Variants in DCDC1 observed in about 807,000 individuals in gnomAD.
DCDC1 encodes doublecortin domain-containing protein 1.
Under a neutral mutation model 178.3 loss-of-function variants are expected in DCDC1, and 200 were observed. That is an observed-to-expected ratio of 1.12 (90% confidence interval 1.00 to 1.26). The LOEUF is 1.26. Among genes scored for constraint, DCDC1 ranks in the 50% most tolerant of loss-of-function variants. The pLI, the probability that DCDC1 is intolerant of heterozygous loss-of-function variation, is 0.00. For missense variants in DCDC1, 1,983 were observed against 1,749.2 expected, an observed-to-expected ratio of 1.13 and a Z score of -2.38; for synonymous variants, 690 against 604.8, an observed-to-expected ratio of 1.14 and a Z score of -2.07.
intron 9 of DCDC1, among the ~76,000 whole-genome samples, 183 bp downstream of exon 9, chr11:31,241,267 A>G (rs1455629334): frequency 2.0e-5 from 3 of 151,996 alleles, no homozygotes; most frequent in Admixed American, 6.6e-5. Context: ...GACAGATACA[A>G]TTAGCTCCAT....
intron 20 of DCDC1, among the ~76,000 whole-genome samples, chr11:30,960,547 T>G (rs1949034508): frequency 6.6e-6 from 1 of 152,166 alleles, no homozygotes; most frequent in South Asian, 2.1e-4. Context: ...ACAGCATCAG[T>G]AAGTTCTCTG....
At chr11:31,134,885 A>G (rs1272360327) in intron 10 of DCDC1, among the ~76,000 whole-genome samples, 1 of 152,180 alleles carries the variant, frequency 6.6e-6, no homozygotes, top group Non-Finnish European at 1.5e-5. Context: ...AGTCCCAGCT[A>G]CTCAGGAGGC....
chr11:31,217,696 G>T (rs1275645124), intron 9 of DCDC1, among the ~76,000 whole-genome samples: 1 of 151,958 alleles, frequency 6.6e-6, no homozygotes, highest in Non-Finnish European at 1.5e-5. Flanking sequence ...TGAAAGACAG[G>T]ATATTTTAAA....
intron 9 of DCDC1, among the ~76,000 whole-genome samples, chr11:31,199,165 C>T (rs158136): frequency 0.3 from 45,660 of 151,734 alleles, 8,313 homozygotes; most frequent in East Asian, 0.63. Flanking sequence ...CATCCATTGG[C>T]GCAATCAGGG....
At chr11:31,307,269 A>G (rs1308376809) in intron 4 of DCDC1, 1 of 176,756 alleles carries the variant, frequency 5.7e-6, no homozygotes, top group Non-Finnish European at 1.2e-5. Flanking sequence ...TATTTACAAA[A>G]TTGTTTTATA....
intron 35 of DCDC1, 82 bp downstream of exon 35, chr11:30,894,160 ACAGTAT>A (rs1944010835): frequency 6.7e-7 from 1 of 1,488,720 alleles, no homozygotes; most frequent in Non-Finnish European, 9.0e-7. Context: ...GAATATATTA[ACAGTAT>A]CATTTTAAAA....
At chr11:30,997,824 T>C (rs1241860210) in intron 20 of DCDC1, among the ~76,000 whole-genome samples, 3 of 152,148 alleles carry the variant, frequency 2.0e-5, no homozygotes, top group African/African-American at 7.2e-5. Flanking sequence ...TGTGTGTGTG[T>C]GTGTGTGTGT....
intron 9 of DCDC1, among the ~76,000 whole-genome samples, chr11:31,198,778 C>G (rs1970975574): frequency 6.6e-6 from 1 of 152,004 alleles, no homozygotes; most frequent in Non-Finnish European, 1.5e-5. Flanking sequence ...GCCTTCTCAA[C>G]TATTTTCATT....
intron 9 of DCDC1, among the ~76,000 whole-genome samples, chr11:31,147,025 G>C (rs1964524188): frequency 6.6e-6 from 1 of 152,080 alleles, no homozygotes; most frequent in Non-Finnish European, 1.5e-5. Flanking sequence ...TGGGGCAGAA[G>C]TCCCTTCTGC....
intron 38 of DCDC1, among the ~76,000 whole-genome samples, chr11:30,867,404 C>T (rs1290973267): frequency 6.6e-6 from 1 of 152,170 alleles, no homozygotes; most frequent in Non-Finnish European, 1.5e-5. Flanking sequence ...GAAATATCTA[C>T]TTCGTAGGGT....
At chr11:31,148,749 C>CT (rs1352222505) in intron 9 of DCDC1, among the ~76,000 whole-genome samples, 1 of 150,982 alleles carries the variant, frequency 6.6e-6, no homozygotes, top group Non-Finnish European at 1.5e-5. Flanking sequence ...AATTCCACTT[C>CT]TTTTTTTATT....
intron 9 of DCDC1, among the ~76,000 whole-genome samples, chr11:31,218,775 A>T (rs1233046112): frequency 6.6e-6 from 1 of 152,164 alleles, no homozygotes; most frequent in African/African-American, 2.4e-5. Context: ...GAAGCTTTCT[A>T]CCTTCATTCT....
In DCDC1 at chr11:31,196,071, C is replaced by T. The variant is rs551644389; in HGVS notation, c.1221+45379G>A. On this transcript the variant is annotated intron_variant, in intron 9 of 38. Coordinates refer to ENST00000684477, the MANE Select transcript of DCDC1 (RefSeq NM_001387274.1). Reference sequence around the variant, plus strand: ...TATTCCCTCTTCCACCCTAGACTCCCTCAAGAGCCTAAAGAGCTCTCAACT... The same window carrying T: ...TATTCCCTCTTCCACCCTAGACTCCTTCAAGAGCCTAAAGAGCTCTCAACT... 7.6e-4 allele frequency among the ~76,000 whole-genome samples: 116 copies of T among 152,060 alleles called. 1 individual carries two copies. Among genetic ancestry groups the T allele is most frequent in the Non-Finnish European group, 1.2e-3 (80 of 67,950 alleles).
At chr11:31,253,792 T>C (rs1224644736) in intron 8 of DCDC1, among the ~76,000 whole-genome samples, 1 of 152,156 alleles carries the variant, frequency 6.6e-6, no homozygotes, top group Non-Finnish European at 1.5e-5. Flanking sequence ...CTAATACCAA[T>C]TTTAGAAAAG....
At chr11:31,247,712 C>T (rs903592859) in intron 8 of DCDC1, among the ~76,000 whole-genome samples, 1 of 151,962 alleles carries the variant, frequency 6.6e-6, no homozygotes, top group African/African-American at 2.4e-5. Flanking sequence ...TCCCCAGTAG[C>T]ACATTGGTAG....
intron 16 of DCDC1, 148 bp downstream of exon 16, chr11:31,093,902 C>T (rs1957968514): frequency 3.1e-6 from 2 of 643,172 alleles, no homozygotes; most frequent in African/African-American, 1.8e-5. Context: ...TAGGCAATAC[C>T]AACGGCAGAG....
intron 21 of DCDC1, among the ~76,000 whole-genome samples, chr11:30,935,437 T>C (rs1947216656): frequency 1.3e-5 from 2 of 152,228 alleles, no homozygotes; most frequent in Admixed American, 6.5e-5. Context: ...ACTAACCTGA[T>C]TGGGTAGGGA....
intron 17 of DCDC1, among the ~76,000 whole-genome samples, chr11:31,078,225 T>A (rs1239702759): frequency 9.3e-6 from 1 of 107,986 alleles, no homozygotes; most frequent in African/African-American, 4.8e-5. Context: ...TTATGGAAAG[T>A]TCTGCCTGCA....
chr11:31,080,771 T>C (rs189687330), intron 17 of DCDC1, among the ~76,000 whole-genome samples: 112 of 152,334 alleles, frequency 7.4e-4, no homozygotes, highest in East Asian at 3.3e-3. Context: ...GTGTAGGGGC[T>C]ATAACTCAAT....
Sources: allele counts gnomAD v4.1 joint callset (sites outside exome capture counted in the v4.1 genomes callset), GRCh38; gene constraint gnomAD v4.1.1; transcripts MANE v1.5; gene names NCBI Gene and HGNC (gene_info 2026-07-23, HGNC 2026-07-21).